The following BICC1 variants were observed in gnomAD, a reference collection of about 807,000 sequenced individuals.
BICC1 encodes BicC family RNA binding protein 1, also known as protein bicaudal C homolog 1.
A neutral mutation model predicts 111.0 loss-of-function variants in BICC1; 43 were observed. The observed-to-expected ratio is 0.39, with a 90% CI of 0.30 to 0.50. The LOEUF (loss-of-function observed/expected upper bound fraction) is 0.50. BICC1 is among the 20% of genes least tolerant of loss of function. BICC1 has a pLI of 0.88. For synonymous variants in BICC1, 467 were observed against 434.4 expected, an observed-to-expected ratio of 1.07 and a Z score of -0.93; for missense variants, 1,091 against 1,203.2, an observed-to-expected ratio of 0.91 and a Z score of 1.38.
At chr10:58,581,893 TTCCTC>T (rs1844292295) in intron 1 of BICC1, among the ~76,000 whole-genome samples, 1 of 152,168 alleles carries the variant, frequency 6.6e-6, no homozygotes, top group African/African-American at 2.4e-5. Flanking sequence ...AATCATCAAA[TTCCTC>T]TCTATCTCTC....
chr10:58,700,556 C>G (rs1052829650), intron 2 of BICC1, among the ~76,000 whole-genome samples: 2 of 152,150 alleles, frequency 1.3e-5, no homozygotes, highest in Admixed American at 1.3e-4. Flanking sequence ...GCCTTCAGGG[C>G]CAGACCAGTA....
rs369203424 is a variant in BICC1 at position 58,724,403 on chromosome 10, A to ATG, written c.307+22274_307+22275dup. 4.0e-3 allele frequency among the ~76,000 whole-genome samples: 598 copies of ATG among 151,296 alleles called. 9 individuals are homozygous for ATG. Among genetic ancestry groups the ATG allele is most frequent in the African/African-American group, 0.013 (531 of 41,288 alleles). ...TCTGTGTGTGTGTGTATATGTGTGTATGTGTGTGTGTGTGTAATTTTGCAC... is the reference window on the plus strand; with the variant it reads ...TCTGTGTGTGTGTGTATATGTGTGTATGTGTGTGTGTGTGTGTAATTTTGCAC... On this transcript the variant is annotated intron_variant, in intron 3 of 20. Transcript: ENST00000373886.
intron 1 of BICC1, among the ~76,000 whole-genome samples, chr10:58,616,771 G>A (rs530995940): frequency 2.6e-5 from 4 of 152,378 alleles, no homozygotes; most frequent in Admixed American, 2.6e-4. Flanking sequence ...AGAGCCAGGA[G>A]CAGTTTGCCT....
intron 3 of BICC1, among the ~76,000 whole-genome samples, chr10:58,721,746 A>G (rs538404562): frequency 6.6e-6 from 1 of 152,296 alleles, no homozygotes; most frequent in East Asian, 1.9e-4. Flanking sequence ...AATAATTTTC[A>G]GCACGTAAGC....
At chr10:58,594,987 A>G (rs543761902) in intron 1 of BICC1, among the ~76,000 whole-genome samples, 5 of 152,178 alleles carry the variant, frequency 3.3e-5, no homozygotes, top group Non-Finnish European at 7.4e-5. Flanking sequence ...CTCAGGTACA[A>G]AGACACATAT....
intron 3 of BICC1, among the ~76,000 whole-genome samples, chr10:58,760,945 T>C (rs1379346614): frequency 6.6e-6 from 1 of 152,132 alleles, no homozygotes; most frequent in African/African-American, 2.4e-5. Flanking sequence ...CCAAAGGGTG[T>C]TCTCTAGACA....
chr10:58,790,358 A>G (rs1294793249), intron 8 of BICC1, among the ~76,000 whole-genome samples: 1 of 152,210 alleles, frequency 6.6e-6, no homozygotes, highest in Non-Finnish European at 1.5e-5. Flanking sequence ...AAATTTTGTC[A>G]GCCCAAAACA....
At chr10:58,732,638 G>A (rs567744359) in intron 3 of BICC1, among the ~76,000 whole-genome samples, 75 of 151,350 alleles carry the variant, frequency 5.0e-4, no homozygotes, top group African/African-American at 1.4e-3. Flanking sequence ...AAAATTAGCC[G>A]TGTGTAGTGA....
rs76837418 is a variant in BICC1, at chr10:58,732,314, A to G, written c.307+30171A>G. On this transcript the variant is annotated intron_variant, in intron 3 of 20. Coordinates refer to ENST00000373886, the MANE Select transcript of BICC1 (RefSeq NM_001080512.3). ...GGAGAAGAGAGGAAAGAGAGAGGAG[A>G]AGAGGAGAGAGAGAGAGAAAGAAGA... 1.5e-3 allele frequency among the ~76,000 whole-genome samples: 206 copies of G among 141,802 alleles called. 3 individuals carry two copies. Among genetic ancestry groups the G allele is most frequent in the African/African-American group, 5.4e-3 (198 of 37,004 alleles). 93.0% of individuals were successfully genotyped at this position (141,802 alleles called of 152,430 possible).
At chr10:58,799,771 A>G (rs1843479634) in intron 12 of BICC1, among the ~76,000 whole-genome samples, 1 of 152,086 alleles carries the variant, frequency 6.6e-6, no homozygotes, top group Admixed American at 6.6e-5. Context: ...TATAGTTTGA[A>G]GTCAGGTAGT....
intron 1 of BICC1, among the ~76,000 whole-genome samples, chr10:58,597,261 T>A (rs1478310714): frequency 6.6e-6 from 1 of 152,020 alleles, no homozygotes; most frequent in Non-Finnish European, 1.5e-5. Flanking sequence ...CAGCAAGTTT[T>A]TATTAAGGGT....
intron 1 of BICC1, among the ~76,000 whole-genome samples, chr10:58,597,192 A>G (rs1164619182): frequency 3.9e-5 from 6 of 152,158 alleles, no homozygotes; most frequent in Admixed American, 1.3e-4. Context: ...GACATCACAT[A>G]TCAGTAGGAC....
At chr10:58,659,673 C>T (rs1192896298) in intron 2 of BICC1, among the ~76,000 whole-genome samples, 1 of 152,038 alleles carries the variant, frequency 6.6e-6, no homozygotes, top group African/African-American at 2.4e-5. Flanking sequence ...CACAGTTTAC[C>T]TGTATAACAA....
At chr10:58,824,109 T>G (rs1305292408) in intron 20 of BICC1, 14 of 983,904 alleles carry the variant, frequency 1.4e-5, no homozygotes, top group Non-Finnish European at 1.6e-5. Context: ...CTTGGAACTA[T>G]CGATTTCTCA....
At chr10:58,648,026 G>A (rs555248523) in intron 2 of BICC1, among the ~76,000 whole-genome samples, 2 of 152,194 alleles carry the variant, frequency 1.3e-5, no homozygotes, top group South Asian at 2.1e-4. Flanking sequence ...CTAAGTTATT[G>A]TCTTAACTTG....
intron 2 of BICC1, among the ~76,000 whole-genome samples, chr10:58,684,170 A>G (rs1839633095): frequency 1.3e-5 from 2 of 151,976 alleles, no homozygotes; most frequent in African/African-American, 4.8e-5. Flanking sequence ...TATATGATGG[A>G]TTATGTTTAT....
intron 1 of BICC1, among the ~76,000 whole-genome samples, chr10:58,610,751 A>G (rs1845392110): frequency 6.6e-6 from 1 of 151,986 alleles, no homozygotes; most frequent in Non-Finnish European, 1.5e-5. Context: ...AAATGTATGC[A>G]TATACATTTT....
chr10:58,745,599 A>ACCCCCCCCC (rs1564589090), intron 3 of BICC1, among the ~76,000 whole-genome samples: 18 of 41,686 alleles, frequency 4.3e-4, no homozygotes, highest in Admixed American at 8.7e-4. Context: ...AGAGCCCCCC[A>ACCCCCCCCC]CCGCCCCCCC....
intron 1 of BICC1, among the ~76,000 whole-genome samples, chr10:58,576,262 G>A (rs967661611): frequency 3.3e-5 from 5 of 152,092 alleles, no homozygotes; most frequent in Admixed American, 1.3e-4. Flanking sequence ...TTTGTATGGC[G>A]TACTGATCCT....
Sources: gnomAD v4.1 joint callset for allele counts (sites outside exome capture counted in the v4.1 genomes callset) on GRCh38, gnomAD v4.1.1 for gene constraint, MANE v1.5 for transcripts, NCBI Gene and HGNC (gene_info 2026-07-23, HGNC 2026-07-21) for gene names.